CCNH: variants seen among roughly 807,000 people sequenced by gnomAD.
CCNH encodes cyclin-H.
A neutral mutation model predicts 41.9 loss-of-function variants in CCNH; 31 were observed. The ratio of observed to expected loss-of-function variants is 0.74; its 90% CI spans 0.56 to 1.00. The LOEUF (loss-of-function observed/expected upper bound fraction) is 1.00. Ranked by LOEUF, CCNH falls within the 50% of genes least tolerant of loss-of-function variation. The pLI is 0.00. For missense variants in CCNH, 362 were observed against 388.4 expected (o/e 0.93, Z 0.57); for synonymous variants, 138 against 136.1 (o/e 1.01, Z -0.10).
intron 9 of CCNH, chr5:87,366,399 A>G: frequency 4.9e-6 from 2 of 411,670 alleles, no homozygotes; most frequent in Non-Finnish European, 9.9e-6. Context: ...AAAGGTCCAC[A>G]TTACACTTGA....
chr5:87,315,483 A>G (rs897925264), downstream of CCNH, among the ~76,000 whole-genome samples: 8 of 152,180 alleles, frequency 5.3e-5, no homozygotes, highest in Non-Finnish European at 8.8e-5. Context: ...AATACTGTCA[A>G]TGTATGAATT....
upstream of CCNH, among the ~76,000 whole-genome samples, chr5:87,377,417 A>G (rs1761401264): frequency 2.6e-5 from 4 of 151,994 alleles, no homozygotes; most frequent in South Asian, 6.2e-4. Context: ...TGCAACCTCT[A>G]CCTCTCAGGT....
chr5:87,392,530 C>T, downstream of CCNH: 1 of 354,082 alleles, frequency 2.8e-6, no homozygotes, highest in South Asian at 2.2e-5. Flanking sequence ...CATAGTATCC[C>T]AGGTGGTCTC....
rs1254949136 is a variant in CCNH, at chr5:87,337,304, C to G, written c.*91-18407G>C. Among the ~76,000 whole-genome samples, 5 of 152,106 alleles carry G rather than the reference C, an allele frequency of 3.3e-5. No individual in the cohort carries two copies. The East Asian group carries it at 9.7e-4, about 29-fold the overall frequency. ...AGGAAACTAAGTTGTATATGCATCT[C>G]TGTACTCTTAAATTGGTAACAGAAA... On this transcript the variant is annotated intron_variant and NMD_transcript_variant, in intron 9 of 9. Coordinates refer to the CCNH transcript ENST00000645953.
intron 2 of CCNH, 80 bp from the exon 3 acceptor site, chr5:87,409,443 T>C: frequency 3.9e-6 from 3 of 769,378 alleles, no homozygotes. Flanking sequence ...AACTTATTTA[T>C]GGAAAGGTTT....
At chr5:87,400,854 C>T (rs574951520) in intron 6 of CCNH, among the ~76,000 whole-genome samples, 13 of 152,246 alleles carry the variant, frequency 8.5e-5, no homozygotes, top group African/African-American at 2.9e-4. Context: ...AAGTGTGCCA[C>T]GGTCAAGAAT....
chr5:87,313,418 G>C (rs566620193), downstream of CCNH, among the ~76,000 whole-genome samples: 3 of 152,250 alleles, frequency 2.0e-5, no homozygotes, highest in African/African-American at 7.2e-5. Context: ...GAAATAGCTT[G>C]AATGGGAGAG....
chr5:87,338,622 T>C (rs2112390240), intron 9 of CCNH, among the ~76,000 whole-genome samples: 1 of 149,336 alleles, frequency 6.7e-6, no homozygotes, highest in South Asian at 2.1e-4. Flanking sequence ...TCCACCCGCC[T>C]TAGCCTCCCA....
chr5:87,395,125 A>G (rs2112543897), intron 7 of CCNH, 21 bp from the exon 8 acceptor site: 1 of 1,602,998 alleles, frequency 6.2e-7, no homozygotes, highest in Non-Finnish European at 8.5e-7. Flanking sequence ...GCAACTATCA[A>G]TAAGCAATCC....
In CCNH at chr5:87,376,332, CT is replaced by C. The variant is rs1761324236; in HGVS notation, n.848del. 7 of 1,581,652 alleles carry C rather than the reference CT, an allele frequency of 4.4e-6. No individual in the cohort carries two copies. The South Asian group carries it at 7.9e-5, about 18-fold the overall frequency. On this transcript the variant is annotated non_coding_transcript_exon_variant, in exon 1 of 1. Coordinates refer to the CCNH transcript ENST00000607486. Reference sequence around the variant, plus strand: ...GAAGACTGAACACCAGGAAAATTTACTTGCATGACTAATTATCGTGTTCTCT... The same window carrying C: ...GAAGACTGAACACCAGGAAAATTTACTGCATGACTAATTATCGTGTTCTCT...
downstream of CCNH, among the ~76,000 whole-genome samples, chr5:87,390,536 T>C (rs1431927545): frequency 6.6e-6 from 1 of 152,044 alleles, no homozygotes; most frequent in African/African-American, 2.4e-5. Context: ...CAACATGTGA[T>C]AGTGTGATAG....
At chr5:87,359,368 T>A (rs1759900020) in intron 9 of CCNH, among the ~76,000 whole-genome samples, 2 of 152,182 alleles carry the variant, frequency 1.3e-5, no homozygotes, top group Admixed American at 1.3e-4. Context: ...AAGGAACACG[T>A]AGAGAAGCCT....
At chr5:87,382,432 T>C (rs147359675) in intron 9 of CCNH, among the ~76,000 whole-genome samples, 6 of 152,340 alleles carry the variant, frequency 3.9e-5, no homozygotes, top group African/African-American at 1.4e-4. Context: ...CTCATTATTT[T>C]GGGAATAATG....
chr5:87,406,101 ACTAT>A (rs1763769537), intron 4 of CCNH, among the ~76,000 whole-genome samples: 1 of 152,100 alleles, frequency 6.6e-6, no homozygotes, highest in Admixed American at 6.5e-5. Flanking sequence ...CTCTCAGAAA[ACTAT>A]CTCTTACCAA....
At chr5:87,312,399 AATATGTTATCT>A in the CCNH span, among the ~76,000 whole-genome samples, 1 of 152,216 alleles carries the variant, frequency 6.6e-6, no homozygotes, top group Non-Finnish European at 1.5e-5. Context: ...TTACGTGAAG[AATATGTTATCT>A]GTATTAACAG....
intron 9 of CCNH, among the ~76,000 whole-genome samples, chr5:87,370,400 T>C (rs913128956): frequency 2.0e-5 from 3 of 152,200 alleles, no homozygotes; most frequent in East Asian, 1.9e-4. Flanking sequence ...GCAGTGTCCT[T>C]CTTATAGCGT....
intron 9 of CCNH, chr5:87,341,202 A>G: frequency 1.5e-6 from 1 of 682,952 alleles, no homozygotes. Flanking sequence ...GTGTGGGGAT[A>G]TGTTTGCAGA....
chr5:87,399,634 T>G, intron 6 of CCNH, 129 bp from the exon 7 acceptor site: 2 of 667,836 alleles, frequency 3.0e-6, no homozygotes, highest in South Asian at 3.5e-5. Context: ...TTCTCAGGAT[T>G]TGCATCATTC....
chr5:87,392,325 G>C, downstream of CCNH: 1 of 455,962 alleles, frequency 2.2e-6, no homozygotes, highest in Non-Finnish European at 4.4e-6. Context: ...AGCTACAAAA[G>C]GCAGTTATTT....
Sources: gnomAD v4.1 joint callset for allele counts (sites outside exome capture counted in the v4.1 genomes callset) on GRCh38, gnomAD v4.1.1 for gene constraint, MANE v1.5 for transcripts, NCBI Gene and HGNC (gene_info 2026-07-23, HGNC 2026-07-21) for gene names.